The following ITGAL variants were observed in gnomAD, a reference collection of about 807,000 sequenced individuals.
ITGAL encodes the protein integrin subunit alpha L, also known as integrin alpha-L.
In ITGAL, 68 loss-of-function variants were observed where a neutral mutation model predicts 138.4. The observed-to-expected ratio is 0.49, with a 90% CI of 0.40 to 0.60. ITGAL has a LOEUF of 0.60. ITGAL is among the 20% of genes least tolerant of loss of function. The pLI is 0.00. For synonymous variants in ITGAL, 561 were observed against 584.3 expected, an observed-to-expected ratio of 0.96 and a Z score of 0.57; for missense variants, 1,256 against 1,478.6, an observed-to-expected ratio of 0.85 and a Z score of 2.47.
chr16:30,510,510 G>A (rs1478486764), intron 22 of ITGAL, 39 bp downstream of exon 22: 2 of 1,215,500 alleles, frequency 1.6e-6, no homozygotes, highest in Admixed American at 1.7e-5. Context: ...GCAGCCTAGG[G>A]GCCCTGAGCT....
chr16:30,516,646 C>T (rs766200760), intron 25 of ITGAL, among the ~76,000 whole-genome samples: 6 of 152,144 alleles, frequency 3.9e-5, no homozygotes, highest in Admixed American at 1.3e-4. Flanking sequence ...CTGCTGGGGA[C>T]GCAGAGCACA....
chr16:30,497,116 G>A (rs1342190102), intron 15 of ITGAL, among the ~76,000 whole-genome samples: 1 of 152,186 alleles, frequency 6.6e-6, no homozygotes, highest in Middle Eastern at 3.4e-3. Context: ...AGTCCGAGGC[G>A]GGCGGATCAC....
At chr16:30,510,813 A>C (rs145361724) in intron 22 of ITGAL, 68 bp from the exon 23 acceptor site, 1 of 1,206,422 alleles carries the variant, frequency 8.3e-7, no homozygotes, top group African/African-American at 1.5e-5. Context: ...GATGGTGATT[A>C]GATGTGGGGG....
chr16:30,489,463 T>C, intron 11 of ITGAL, 77 bp downstream of exon 11: 1 of 1,474,130 alleles, frequency 6.8e-7, no homozygotes, highest in Non-Finnish European at 9.4e-7. Context: ...TCCAAAACAA[T>C]AATGAAAGCA....
In ITGAL at chr16:30,474,304, C is replaced by A. The variant is rs1418030221; in HGVS notation, c.164+6C>A. The A allele has an allele frequency of 3.1e-6, 5 of 1,589,384 alleles. No individual in the cohort carries two copies. In the African/African-American group the frequency reaches 6.7e-5, roughly 21 times the overall value. ...GTCCTGCAGGTCGGAAACGGGTGAGCTGTGCCCCACAAGTCCTCCTCCTGA... is the reference window on the plus strand; with the variant it reads ...GTCCTGCAGGTCGGAAACGGGTGAGATGTGCCCCACAAGTCCTCCTCCTGA... On this transcript the variant is annotated splice_donor_region_variant and intron_variant, in intron 2 of 30. Coordinates refer to ENST00000356798, the MANE Select transcript of ITGAL (RefSeq NM_002209.3).
At chr16:30,519,474 G>A (rs1362585508) in intron 29 of ITGAL, among the ~76,000 whole-genome samples, 2 of 152,248 alleles carry the variant, frequency 1.3e-5, no homozygotes, top group African/African-American at 4.8e-5. Context: ...AGCAGAGGCA[G>A]TGGCAAGGCC....
At position 30,494,359 on chromosome 16, in the gene ITGAL, C is replaced by T. The variant is rs200585963; in HGVS notation, c.1361C>T (p.Thr454Ile). 7 of 1,601,730 alleles carry T rather than the reference C, an allele frequency of 4.4e-6. No individual in the cohort carries two copies. Among genetic ancestry groups the T allele is most frequent in the Non-Finnish European group, 6.0e-6 (7 of 1,171,354 alleles). The change falls in exon 12 of 31, where the codon ACC (threonine) becomes ATC (isoleucine). Residue 454 changes from threonine (T) to isoleucine (I), a missense_variant. Around this residue, in one of 3 missense-constraint regions of ITGAL, gnomAD observed 867 missense variants for 972.5 expected, o/e 0.89. Coordinates refer to ENST00000356798, the MANE Select transcript of ITGAL (RefSeq NM_002209.3). This position sits in a 1 kb window ranked among gnomAD's most constrained non-coding sequence, Gnocchi z 4.2. Reference protein sequence around the residue: ...HWSQVQTIHGTQIGSYFGGEL... With the variant: ...HWSQVQTIHGIQIGSYFGGEL... ...AGCCAGGTCCAGACAATCCATGGGA[C>T]CCAGGTGCGCCCAGTCCGAGGGCAT... is the stretch of plus-strand genomic sequence containing the variant.
intron 9 of ITGAL, among the ~76,000 whole-genome samples, chr16:30,488,362 CA>C (rs1355106355): frequency 6.6e-6 from 1 of 151,860 alleles, no homozygotes; most frequent in Non-Finnish European, 1.5e-5. Flanking sequence ...AAGCCTGAGT[CA>C]GAGCAGAAAC....
intron 21 of ITGAL, among the ~76,000 whole-genome samples, chr16:30,507,903 A>AATTT (rs144906170): frequency 1.3e-5 from 2 of 151,154 alleles, no homozygotes; most frequent in African/African-American, 2.4e-5. Flanking sequence ...ATTTTCTTTA[A>AATTT]ATTTATTTAT....
chr16:30,474,420 C>T, intron 2 of ITGAL, 122 bp downstream of exon 2: 1 of 669,220 alleles, frequency 1.5e-6, no homozygotes, highest in East Asian at 2.7e-5. Flanking sequence ...TCCAGGGGTT[C>T]CCGTCTGGAG....
At position 30,475,523 on chromosome 16, in the gene ITGAL, T is replaced by C. The variant is rs1372188384; in HGVS notation, c.270T>C (p.Tyr90=). 1 of 1,613,886 alleles carries C rather than the reference T, an allele frequency of 6.2e-7. No homozygotes were observed. The highest frequency in any genetic ancestry group is 1.3e-5 in the African/African-American group (1 of 74,980). The part of the protein sequence containing the change: ...CLPVTLRGSN[Y]TSKYLGMTLA... The stretch of plus-strand genomic sequence containing the variant: ...TTCTGGTGCCTACAGGTTCCAACTA[T>C]ACCTCCAAGTACTTGGGAATGACCT... The change falls in exon 4 of 31, where the codon TAT becomes TAC. Residue 90 remains tyrosine (Y), a synonymous_variant. Transcript: ENST00000356798.
At chr16:30,496,808 ATTT>A (rs11432747) in intron 15 of ITGAL, among the ~76,000 whole-genome samples, 1 of 137,838 alleles carries the variant, frequency 7.3e-6, no homozygotes, top group Non-Finnish European at 1.6e-5. Context: ...CACCTGGCTA[ATTT>A]TTTTTTTTTT....
chr16:30,477,582 C>T (rs1193925074), intron 4 of ITGAL, among the ~76,000 whole-genome samples: 3 of 151,858 alleles, frequency 2.0e-5, no homozygotes, highest in African/African-American at 7.3e-5. Context: ...GACCATGATA[C>T]AAGCCCAGAC....
intron 20 of ITGAL, 57 bp downstream of exon 20, chr16:30,505,519 C>T (rs549300686): frequency 4.0e-6 from 5 of 1,242,884 alleles, no homozygotes; most frequent in Non-Finnish European, 5.9e-6. Context: ...AGACCCCCCA[C>T]TCCACTCACC....
chr16:30,473,637 A>C (rs1266519443), intron 1 of ITGAL, among the ~76,000 whole-genome samples: 1 of 152,198 alleles, frequency 6.6e-6, no homozygotes, highest in Non-Finnish European at 1.5e-5. Context: ...GAGAGAAAGC[A>C]GGGCGGAAAG....
intron 27 of ITGAL, 28 bp from the exon 28 acceptor site, chr16:30,517,769 C>T (rs781412147): frequency 1.9e-6 from 3 of 1,613,472 alleles, no homozygotes; most frequent in South Asian, 1.1e-5. Flanking sequence ...TGAAGCCGCC[C>T]TGACCCCGCT....
intron 23 of ITGAL, 42 bp from the exon 24 acceptor site, chr16:30,511,008 A>AGCCCTTCTCCTAACACTGGCCTC (rs1260314123): frequency 6.2e-7 from 1 of 1,611,322 alleles, no homozygotes; most frequent in South Asian, 1.1e-5. Context: ...GACCTGGCCA[A>AGCCCTTCTCCTAACACTGGCCTC]GCCCTTCTCC....
intron 6 of ITGAL, 86 bp from the exon 7 acceptor site, chr16:30,481,345 TAAAAAAAA>T (rs57608894): frequency 2.9e-5 from 13 of 448,914 alleles, no homozygotes; most frequent in Admixed American, 6.2e-5. Flanking sequence ...AAACTCCATC[TAAAAAAAA>T]AAAAAAAAAA....
chr16:30,491,934 T>C (rs558269653), intron 11 of ITGAL, among the ~76,000 whole-genome samples: 1 of 152,276 alleles, frequency 6.6e-6, no homozygotes, highest in South Asian at 2.1e-4. Context: ...TCTTAACCCT[T>C]GTGCTTCCAG....
Sources: gnomAD v4.1 joint callset for allele counts (sites outside exome capture counted in the v4.1 genomes callset) on GRCh38, gnomAD v4.1.1 for gene constraint, gnomAD v4.1.1 regional missense constraint, Gnocchi (gnomAD v3.1) non-coding constraint, MANE v1.5 for transcripts, NCBI Gene and HGNC (gene_info 2026-07-23, HGNC 2026-07-21) for gene names.